Variants in MED14 observed in about 807,000 individuals in gnomAD.
The protein encoded by MED14 is mediator complex subunit 14.
Under a neutral mutation model 109.0 loss-of-function variants are expected in MED14, and 8 were observed. That is an observed-to-expected ratio of 0.07 (90% CI 0.04 to 0.13). MED14 has a LOEUF of 0.13. Among genes scored for constraint, MED14 ranks in the 10% least tolerant of loss-of-function variants. The probability of loss-of-function intolerance (pLI) is 1.00; values close to 1 mark genes in which losing one functional copy is unlikely to be tolerated. For missense variants in MED14, 711 were observed against 1,142.4 expected, an observed-to-expected ratio of 0.62 and a Z score of 5.44; for synonymous variants, 399 against 408.7, an observed-to-expected ratio of 0.98 and a Z score of 0.29.
intron 1 of MED14, chrX:40,729,634 T>C (rs1210100497): frequency 1.2e-5 from 3 of 249,870 alleles, no homozygotes; most frequent in Non-Finnish European, 2.1e-5. Flanking sequence ...TAGCACACTA[T>C]ATCATAGGGT....
At chrX:40,728,078 C>T (rs1931949767) in intron 2 of MED14, among the ~76,000 whole-genome samples, 1 of 111,773 alleles carries the variant, frequency 8.9e-6, no homozygotes, top group African/African-American at 3.3e-5. Context: ...ACATTAAGAT[C>T]CAGCAGATCT....
chrX:40,710,225 C>T (rs1016468597), intron 8 of MED14, 96 bp from the exon 9 acceptor site: 3 of 515,871 alleles, frequency 5.8e-6, no homozygotes, highest in Non-Finnish European at 5.9e-6. Flanking sequence ...TAGCCACAGC[C>T]TGGAATACGG....
intron 2 of MED14, among the ~76,000 whole-genome samples, chrX:40,727,355 T>C (rs1490593859): frequency 2.7e-5 from 3 of 111,849 alleles, no homozygotes; most frequent in African/African-American, 6.5e-5. Flanking sequence ...TGCACCAGCA[T>C]GAAAGATTGA....
At chrX:40,686,232 C>T (rs759950013) in intron 16 of MED14, among the ~76,000 whole-genome samples, 29 of 111,423 alleles carry the variant, frequency 2.6e-4, no homozygotes, top group Non-Finnish European at 4.7e-4. Flanking sequence ...AAAGTACTTC[C>T]TTCCTAGGTA....
Position 40,735,528 on chromosome X carries a change from G to A in MED14, c.-116C>T, listed in dbSNP as rs781482474. ...CAGAGTCGCCACCGCCTACCGCCGG[G>A]CCGCCTCAGAACAGGAAGCCGTGCG... On this transcript the variant is annotated 5_prime_UTR_variant, in exon 1 of 31. Coordinates refer to ENST00000324817, the MANE Select transcript of MED14 (RefSeq NM_004229.4). 4 of 732,143 alleles carry A rather than the reference G, an allele frequency of 5.5e-6. No individual in the cohort carries two copies. In the African/African-American group the frequency reaches 6.3e-5, roughly 12 times the overall value. The allele number at this position is 732,143 out of a possible 1,213,427, so 60.3% of individuals were successfully genotyped here.
At position 40,648,840 on chromosome X, in the gene MED14, TTAA is replaced by T. The variant is rs1220129528; in HGVS notation, c.*2963_*2965del. The T allele has an allele frequency of 8.9e-6, 1 of 112,191 alleles. No homozygotes were observed. The highest frequency in any genetic ancestry group is 1.9e-5 in the Non-Finnish European group (1 of 53,178). 9.2% of individuals were successfully genotyped at this position (112,191 alleles called of 1,213,427 possible). A position where few individuals can be genotyped will look rare whatever the true frequency, so the allele number is the denominator to read the frequency against. On this transcript the variant is annotated 3_prime_UTR_variant, in exon 31 of 31. Coordinates refer to ENST00000324817, the MANE Select transcript of MED14 (RefSeq NM_004229.4). ...CTGGCTGGCCTCTGCTAACTTTGTCTTAATAACCTCAATGCTAAATCCATCCTA... is the reference window on the plus strand; with the variant it reads ...CTGGCTGGCCTCTGCTAACTTTGTCTTAACCTCAATGCTAAATCCATCCTA...
At chrX:40,691,393 T>C (rs1158447749) in intron 15 of MED14, among the ~76,000 whole-genome samples, 1 of 111,599 alleles carries the variant, frequency 9.0e-6, no homozygotes, top group East Asian at 2.8e-4. Flanking sequence ...GCTTAAACAA[T>C]GCTCCTACTA....
In MED14 at chrX:40,654,423, G is replaced by A; in HGVS notation, c.4232C>T (p.Ala1411Val). Residue 1411 changes from alanine to valine, a missense_variant, in exon 30 of 31, where the codon GCT (alanine) becomes GTT (valine). Physicochemically the swap from Ala to Val is moderately conservative, Grantham distance 64. This residue lies in a region of MED14 where 41 missense variants were observed against 66.9 expected (regional missense o/e 0.61). Transcript: ENST00000324817. The part of the protein sequence containing the change: ...IPRQQNSSVA[A>V]PMMVSNILKR... ...CAGAATGTTGCTGACCATCATGGGA[G>A]CAGCAACAGAAGAGTTCTGCTGTCT... The A allele has an allele frequency of 1.7e-6, 2 of 1,211,652 alleles. No homozygotes were observed. The highest frequency in any genetic ancestry group is 2.2e-6 in the Non-Finnish European group (2 of 895,271).
chrX:40,731,609 T>C (rs1211896898), intron 1 of MED14, among the ~76,000 whole-genome samples: 1 of 112,430 alleles, frequency 8.9e-6, no homozygotes, highest in African/African-American at 3.2e-5. Context: ...ATTGATGCAT[T>C]AAGCATGTAC....
At chrX:40,692,681 T>C (rs368537403) in intron 14 of MED14, 27 bp downstream of exon 14, 52 of 1,171,706 alleles carry the variant, frequency 4.4e-5, no homozygotes, top group Non-Finnish European at 5.7e-5. Context: ...ACACAAATTC[T>C]GTGCTCATTT....
At chrX:40,709,591 A>G (rs1931264167) in intron 9 of MED14, 132 bp from the exon 10 acceptor site, 2 of 314,992 alleles carry the variant, frequency 6.3e-6, no homozygotes, top group Non-Finnish European at 1.1e-5. Context: ...CCCTAATAGA[A>G]AGCAAACTTA....
chrX:40,717,906 A>G (rs367606460), intron 3 of MED14, among the ~76,000 whole-genome samples: 2 of 112,348 alleles, frequency 1.8e-5, no homozygotes, highest in South Asian at 3.7e-4. Context: ...AACTTAAAAC[A>G]TAGTACCCAG....
intron 11 of MED14, among the ~76,000 whole-genome samples, chrX:40,702,720 G>A (rs955054659): frequency 1.8e-5 from 2 of 111,354 alleles, no homozygotes; most frequent in South Asian, 3.7e-4. Context: ...TCATAAATGC[G>A]TCATTTAGCC....
chrX:40,730,671 C>T (rs1185549251), intron 1 of MED14, among the ~76,000 whole-genome samples: 1 of 111,271 alleles, frequency 9.0e-6, no homozygotes, highest in Non-Finnish European at 1.9e-5. Context: ...CCTATTCCTC[C>T]TAATCTATTT....
At chrX:40,735,719 T>A (rs1294832108), upstream of MED14, 1 of 438,913 alleles carries the variant, frequency 2.3e-6, no homozygotes, top group East Asian at 4.9e-5. Flanking sequence ...AGCCGCAACG[T>A]ACATGTTGAC....
chrX:40,682,771 TTAA>T lies in MED14; in HGVS notation c.2219-25_2219-23del, dbSNP rs752673508. 10 of 1,203,051 alleles carry T rather than the reference TTAA, an allele frequency of 8.3e-6. No individual in the cohort carries two copies. The South Asian group carries it at 1.2e-4, about 15-fold the overall frequency. ...GGTCCTACAGGATTAAAAGAGAATA[TTAA>T]TAGTAATCGATACCAAAAAAATCCA... is the stretch of plus-strand genomic sequence containing the variant. On this transcript the variant is annotated intron_variant, in intron 17 of 30. Transcript: ENST00000324817.
chrX:40,667,074 C>T (rs970549788), intron 23 of MED14, among the ~76,000 whole-genome samples: 5 of 111,454 alleles, frequency 4.5e-5, no homozygotes, highest in Admixed American at 9.5e-5. Context: ...AAAAAAAATC[C>T]GGTGTACTTT....
chrX:40,684,573 C>T (rs924368602), intron 16 of MED14, among the ~76,000 whole-genome samples: 2 of 112,452 alleles, frequency 1.8e-5, no homozygotes, highest in African/African-American at 3.2e-5. Flanking sequence ...CGTTCTTCAA[C>T]GTGACAGGTA....
intron 12 of MED14, among the ~76,000 whole-genome samples, chrX:40,699,344 A>G (rs915721257): frequency 1.7e-4 from 19 of 112,159 alleles, no homozygotes; most frequent in Non-Finnish European, 3.4e-4. Context: ...AAAAGTCAGT[A>G]AATTTACTAC....
Sources: gnomAD v4.1 joint callset for allele counts (sites outside exome capture counted in the v4.1 genomes callset) on GRCh38, gnomAD v4.1.1 for gene constraint, gnomAD v4.1.1 regional missense constraint, MANE v1.5 for transcripts, NCBI Gene and HGNC (gene_info 2026-07-23, HGNC 2026-07-21) for gene names.